EYS: variants seen among roughly 807,000 people sequenced by gnomAD.
EYS encodes the protein EGF-like photoreceptor maintenance factor.
In EYS, 250 loss-of-function variants were observed where a neutral mutation model predicts 282.1. That is an observed-to-expected ratio of 0.89 (90% CI 0.80 to 0.98). The LOEUF (loss-of-function observed/expected upper bound fraction) is 0.98. Among genes scored for constraint, EYS ranks in the 50% least tolerant of loss-of-function variants. The probability of loss-of-function intolerance (pLI) is 0.00; values close to 1 mark genes in which losing one functional copy is unlikely to be tolerated. For synonymous variants in EYS, 1,355 were observed against 1,282.9 expected (o/e 1.06, Z -1.20); for missense variants, 4,016 against 3,709.0 (o/e 1.08, Z -2.15).
chr6:64,620,980 T>C (rs1582962560), intron 23 of EYS, among the ~76,000 whole-genome samples: 1 of 152,178 alleles, frequency 6.6e-6, no homozygotes, highest in African/African-American at 2.4e-5. Flanking sequence ...AAGACAACTT[T>C]AGGTGACACA....
intron 26 of EYS, among the ~76,000 whole-genome samples, chr6:64,560,367 C>T (rs1054714016): frequency 6.6e-6 from 1 of 151,872 alleles, no homozygotes; most frequent in African/African-American, 2.4e-5. Context: ...TTTTCTTTTG[C>T]ATCTATTATA....
At chr6:65,636,080 G>A (rs1390296034) in intron 2 of EYS, among the ~76,000 whole-genome samples, 1 of 152,162 alleles carries the variant, frequency 6.6e-6, no homozygotes, top group Non-Finnish European at 1.5e-5. Flanking sequence ...TATGCAGCGG[G>A]CAGGAAGAAC....
chr6:64,187,713 G>A (rs1349560119), intron 31 of EYS, among the ~76,000 whole-genome samples: 1 of 152,144 alleles, frequency 6.6e-6, no homozygotes, highest in East Asian at 1.9e-4. Context: ...GAGAAACCAG[G>A]AAGCAATAGA....
At chr6:64,320,827 T>A (rs2150384158) in intron 29 of EYS, among the ~76,000 whole-genome samples, 1 of 151,936 alleles carries the variant, frequency 6.6e-6, no homozygotes, top group African/African-American at 2.4e-5. Context: ...TTTATGTAAA[T>A]AAGATATTGT....
chr6:64,062,384 T>C (rs1172016917), intron 33 of EYS, among the ~76,000 whole-genome samples: 1 of 152,154 alleles, frequency 6.6e-6, no homozygotes, highest in African/African-American at 2.4e-5. Flanking sequence ...CTTACTGGCC[T>C]AAACTTTTAA....
chr6:64,066,226 T>G (rs894508983), intron 33 of EYS, 112 bp downstream of exon 33: 2 of 908,222 alleles, frequency 2.2e-6, no homozygotes, highest in Admixed American at 3.0e-5. Context: ...TGTAGTGAGC[T>G]GAGATCACAC....
chr6:64,585,790 T>C (rs1186108650), intron 26 of EYS, among the ~76,000 whole-genome samples: 1 of 152,130 alleles, frequency 6.6e-6, no homozygotes, highest in Non-Finnish European at 1.5e-5. Flanking sequence ...TTCAACACTT[T>C]CTTGGTTATA....
chr6:64,669,688 G>A (rs1769374570), intron 22 of EYS, among the ~76,000 whole-genome samples: 1 of 152,040 alleles, frequency 6.6e-6, no homozygotes, highest in Non-Finnish European at 1.5e-5. Flanking sequence ...AAAGCTATGT[G>A]TTTTTTATTT....
At position 64,850,787 on chromosome 6, in the gene EYS, T is replaced by C. The variant is rs557038827; in HGVS notation, c.2993-27965A>G. Among the ~76,000 whole-genome samples the C allele has an allele frequency of 3.9e-5, 6 of 152,164 alleles. No individual in the cohort carries two copies. In the East Asian group the frequency reaches 1.2e-3, roughly 29 times the overall value. On this transcript the variant is annotated intron_variant, in intron 19 of 42. Transcript: ENST00000503581. ...AGATGAAGGTAAATTAGTTCAAAAG[T>C]AATTAAGAAGACCGATCAGATAGAA... is the stretch of plus-strand genomic sequence containing the variant.
intron 35 of EYS, among the ~76,000 whole-genome samples, chr6:63,969,979 T>C (rs1258795886): frequency 2.6e-5 from 4 of 152,042 alleles, no homozygotes; most frequent in Non-Finnish European, 4.4e-5. Context: ...TGAGCACAAG[T>C]GGTGTATGTA....
intron 24 of EYS, among the ~76,000 whole-genome samples, chr6:64,615,853 C>G (rs653574): frequency 0.68 from 102,901 of 151,952 alleles, 36,075 homozygotes; most frequent in African/African-American, 0.87. Flanking sequence ...AATGTAAATG[C>G]ATTATGTCTA....
At chr6:64,139,967 CAATA>C (rs68103337) in intron 31 of EYS, among the ~76,000 whole-genome samples, 47,911 of 143,426 alleles carry the variant, frequency 0.33, 8,323 homozygotes, top group Admixed American at 0.47. Context: ...GATTCTGTCT[CAATA>C]AATAAATAAA....
chr6:64,545,408 A>C (rs971931881), intron 26 of EYS, among the ~76,000 whole-genome samples: 1 of 152,200 alleles, frequency 6.6e-6, no homozygotes, highest in Non-Finnish European at 1.5e-5. Flanking sequence ...ACCCACAGCC[A>C]ATATCATACC....
In EYS at chr6:64,408,627, A is replaced by G. The variant is rs557885471; in HGVS notation, c.5928-19787T>C. On this transcript the variant is annotated intron_variant, in intron 28 of 42. Transcript: ENST00000503581. ...GCCCTGCATAACATGTATTTCTGTG[A>G]GAAAAAATACAATATAGAATGTATT... is the stretch of plus-strand genomic sequence containing the variant. Among the ~76,000 whole-genome samples the G allele has an allele frequency of 6.0e-4, 91 of 152,320 alleles. 4 individuals are homozygous for G. The South Asian group carries it at 0.019, about 31-fold the overall frequency.
chr6:64,415,902 A>G (rs1774045887), intron 28 of EYS, among the ~76,000 whole-genome samples: 1 of 152,238 alleles, frequency 6.6e-6, no homozygotes, highest in Non-Finnish European at 1.5e-5. Context: ...AAATATTAAA[A>G]TAAAGCAAGC....
chr6:64,614,111 A>G (rs1582955311), intron 24 of EYS, among the ~76,000 whole-genome samples: 1 of 152,114 alleles, frequency 6.6e-6, no homozygotes, highest in East Asian at 1.9e-4. Flanking sequence ...TTACTGCCAT[A>G]TCAACAGGGA....
intron 12 of EYS, among the ~76,000 whole-genome samples, chr6:65,113,659 G>C (rs73765784): frequency 6.6e-6 from 1 of 151,692 alleles, no homozygotes; most frequent in Non-Finnish European, 1.5e-5. Flanking sequence ...CTTCTTATTC[G>C]AATTCTTATA....
chr6:64,133,316 C>G (rs957738103), intron 31 of EYS, among the ~76,000 whole-genome samples: 1 of 151,980 alleles, frequency 6.6e-6, no homozygotes, highest in Non-Finnish European at 1.5e-5. Flanking sequence ...GAAAGGTAGA[C>G]GTTCCCATAT....
chr6:64,346,849 A>G (rs953507205), intron 29 of EYS, among the ~76,000 whole-genome samples: 3 of 151,456 alleles, frequency 2.0e-5, no homozygotes, highest in African/African-American at 4.8e-5. Context: ...GCATATTTGG[A>G]AGGAAATTAA....
Sources: gnomAD v4.1 joint callset for allele counts (sites outside exome capture counted in the v4.1 genomes callset) on GRCh38, gnomAD v4.1.1 for gene constraint, MANE v1.5 for transcripts, NCBI Gene and HGNC (gene_info 2026-07-23, HGNC 2026-07-21) for gene names.